FAT3: variants seen among roughly 807,000 people sequenced by gnomAD.
The protein encoded by FAT3 is protocadherin Fat 3.
A neutral mutation model predicts 310.2 loss-of-function variants in FAT3; 95 were observed. The observed-to-expected ratio is 0.31, with a 90% CI of 0.26 to 0.36. The LOEUF is 0.36. FAT3 is among the 10% of genes least tolerant of loss of function. The probability of loss-of-function intolerance (pLI) is 1.00; values close to 1 mark genes in which losing one functional copy is unlikely to be tolerated. For synonymous variants in FAT3, 2,314 were observed against 2,192.9 expected (o/e 1.06, Z -1.54); for missense variants, 5,408 against 5,715.6 (o/e 0.95, Z 1.74).
At chr11:92,310,134 G>A (rs1176782192) in intron 1 of FAT3, among the ~76,000 whole-genome samples, 2 of 152,280 alleles carry the variant, frequency 1.3e-5, no homozygotes, top group East Asian at 1.9e-4. Flanking sequence ...TGTAGTGTAT[G>A]TGTAGTCAAT....
intron 3 of FAT3, among the ~76,000 whole-genome samples, chr11:92,550,172 C>A (rs1954758209): frequency 6.6e-6 from 1 of 152,062 alleles, no homozygotes; most frequent in Non-Finnish European, 1.5e-5. Context: ...AGAAATTAGG[C>A]TGTAAAAGAA....
rs552458406 is a variant in FAT3 at position 92,536,087 on chromosome 11, C to T, written c.3607+11139C>T. ...TACCACTTTATATTCTGATCTTGTC[C>T]TTTTTTGTCATCTTTGAGTGATTTT... On this transcript the variant is annotated intron_variant, in intron 3 of 27. Coordinates refer to ENST00000525166, the MANE Select transcript of FAT3 (RefSeq NM_001367949.2). Among the ~76,000 whole-genome samples, 12 of 152,186 alleles carry T rather than the reference C, an allele frequency of 7.9e-5. No individual in the cohort carries two copies. In the East Asian group the frequency reaches 2.3e-3, roughly 29 times the overall value.
chr11:92,583,599 A>G (rs1360227935), intron 3 of FAT3, among the ~76,000 whole-genome samples: 1 of 151,364 alleles, frequency 6.6e-6, no homozygotes, highest in Non-Finnish European at 1.5e-5. Context: ...TCTCTTTGCC[A>G]ATAGTTCTCT....
rs1369988955 is a variant in FAT3 at position 92,844,606 on chromosome 11, G to A, written c.11239G>A (p.Asp3747Asn). 1 of 1,613,736 alleles carries A rather than the reference G, an allele frequency of 6.2e-7. No homozygotes were observed. The highest frequency in any genetic ancestry group is 1.1e-5 in the South Asian group (1 of 90,898). ...AILEKNCSGL[D>N]CQEQHCEQGL... is the part of the protein sequence containing the mutation. ...CTTGGAGAAGAACTGCTCAGGGCTG[G>A]ACTGTCAGGAACAGCATTGTGAGCA... Residue 3747 changes from aspartate to asparagine, a missense_variant, in exon 19 of 28, where the codon GAC becomes AAC. Asp to Asn is a conservative substitution (Grantham distance 23). Transcript: ENST00000525166.
At chr11:92,479,684 T>C (rs1003418796) in intron 2 of FAT3, among the ~76,000 whole-genome samples, 1 of 152,150 alleles carries the variant, frequency 6.6e-6, no homozygotes, top group African/African-American at 2.4e-5. Context: ...CCTGCCCTCC[T>C]GCAAAATTAT....
At chr11:92,412,744 T>TATATATATAA (rs1950317677) in intron 2 of FAT3, among the ~76,000 whole-genome samples, 2 of 32,934 alleles carry the variant, frequency 6.1e-5, no homozygotes, top group Middle Eastern at 0.013. Context: ...TATATATATA[T>TATATATATAA]AAATATACAT....
chr11:92,561,397 T>C (rs557458), intron 3 of FAT3, among the ~76,000 whole-genome samples: 23,028 of 152,056 alleles, frequency 0.15, 1,938 homozygotes, highest in East Asian at 0.29. Context: ...AAGTCAATTA[T>C]TTGTTTAATA....
intron 3 of FAT3, among the ~76,000 whole-genome samples, chr11:92,535,637 A>G (rs952260039): frequency 6.6e-6 from 1 of 152,148 alleles, no homozygotes; most frequent in Non-Finnish European, 1.5e-5. Flanking sequence ...TTAGCTAGAT[A>G]GTTTTTTTGT....
At chr11:92,673,955 T>C (rs540224059) in intron 3 of FAT3, among the ~76,000 whole-genome samples, 1 of 152,024 alleles carries the variant, frequency 6.6e-6, no homozygotes, top group African/African-American at 2.4e-5. Context: ...CCAAAGTGGT[T>C]GGATCACTTG....
At chr11:92,839,980 G>A (rs911798957) in intron 17 of FAT3, among the ~76,000 whole-genome samples, 5 of 152,120 alleles carry the variant, frequency 3.3e-5, no homozygotes, top group African/African-American at 1.2e-4. Context: ...GTTTTACCCC[G>A]ATTCGCTTCC....
chr11:92,879,597 A>G (rs1368614454), intron 22 of FAT3, among the ~76,000 whole-genome samples: 1 of 152,232 alleles, frequency 6.6e-6, no homozygotes, highest in African/African-American at 2.4e-5. Flanking sequence ...CTTAGCTGCA[A>G]ATAACGTTTC....
At chr11:92,535,666 T>C (rs190328132) in intron 3 of FAT3, among the ~76,000 whole-genome samples, 325 of 152,344 alleles carry the variant, frequency 2.1e-3, no homozygotes, top group Non-Finnish European at 4.1e-3. Context: ...GTAGTACTTA[T>C]GATCTAGTTG....
At chr11:92,690,704 A>C (rs930837016) in intron 3 of FAT3, among the ~76,000 whole-genome samples, 2 of 151,940 alleles carry the variant, frequency 1.3e-5, no homozygotes, top group Non-Finnish European at 2.9e-5. Flanking sequence ...TTTTTCCTCT[A>C]CTCCTGAAAG....
rs1229868791 is a variant in FAT3 at position 92,895,656 on chromosome 11, A to G, written c.*4543A>G. 5 of 152,204 alleles carry G rather than the reference A, an allele frequency of 3.3e-5. No individual in the cohort carries two copies. 9.4% of individuals were successfully genotyped at this position (152,204 alleles called of 1,614,324 possible). A position where few individuals can be genotyped will look rare whatever the true frequency, so the allele number is the denominator to read the frequency against. ...CACACTACTGCATTTTGGGAGTGGC[A>G]AATGTGTTTGGAAATGGAAGCAGTT... On this transcript the variant is annotated 3_prime_UTR_variant, in exon 28 of 28. Transcript: ENST00000525166.
intron 1 of FAT3, among the ~76,000 whole-genome samples, chr11:92,236,153 A>T (rs1864410330): frequency 6.6e-6 from 1 of 152,210 alleles, no homozygotes; most frequent in Admixed American, 6.5e-5. Flanking sequence ...TACAGTCAAC[A>T]CACCTCATAA....
chr11:92,811,510 G>A (rs533220802), intron 13 of FAT3, among the ~76,000 whole-genome samples: 19 of 152,196 alleles, frequency 1.2e-4, no homozygotes, highest in Admixed American at 5.2e-4. Flanking sequence ...ACTCACAGAC[G>A]GTGTGCTTGG....
At chr11:92,421,270 T>G (rs1453280151) in intron 2 of FAT3, among the ~76,000 whole-genome samples, 1 of 152,264 alleles carries the variant, frequency 6.6e-6, no homozygotes, top group Non-Finnish European at 1.5e-5. Flanking sequence ...TTCATATTGC[T>G]GAGAGCCTAA....
chr11:92,356,202 T>C (rs1948726745), intron 2 of FAT3, among the ~76,000 whole-genome samples: 1 of 152,210 alleles, frequency 6.6e-6, no homozygotes, highest in Admixed American at 6.5e-5. Flanking sequence ...CCTGGACACA[T>C]GCATCTCTTT....
At chr11:92,684,873 A>C (rs1341864909) in intron 3 of FAT3, among the ~76,000 whole-genome samples, 1 of 152,168 alleles carries the variant, frequency 6.6e-6, no homozygotes, top group Non-Finnish European at 1.5e-5. Context: ...AATGCCACCT[A>C]GCTCATCTTT....
Sources: allele counts gnomAD v4.1 joint callset (sites outside exome capture counted in the v4.1 genomes callset), GRCh38; gene constraint gnomAD v4.1.1; transcripts MANE v1.5; gene names NCBI Gene and HGNC (gene_info 2026-07-23, HGNC 2026-07-21).